Variants in WDR27 observed in about 807,000 individuals in gnomAD.
WDR27 encodes the protein WD repeat-containing protein 27.
Under a neutral mutation model 114.4 loss-of-function variants are expected in WDR27, and 100 were observed. The observed-to-expected ratio is 0.87, with a 90% confidence interval of 0.74 to 1.03. The LOEUF (loss-of-function observed/expected upper bound fraction) is 1.03, where lower values mean the gene tolerates loss of function less well. Among genes scored for constraint, WDR27 ranks in the 50% least tolerant of loss-of-function variants. WDR27 has a pLI of 0.00. For synonymous variants in WDR27, 449 were observed against 423.1 expected, an observed-to-expected ratio of 1.06 and a Z score of -0.75; for missense variants, 1,129 against 1,092.9, an observed-to-expected ratio of 1.03 and a Z score of -0.47.
chr6:169,524,109 T>A (rs2128069242), intron 25 of WDR27, among the ~76,000 whole-genome samples: 1 of 152,198 alleles, frequency 6.6e-6, no homozygotes, highest in Middle Eastern at 3.4e-3. Flanking sequence ...CAATCAACTT[T>A]AAAAAATCAG....
At chr6:169,693,581 T>G (rs1785051819) in intron 1 of WDR27, among the ~76,000 whole-genome samples, 1 of 152,166 alleles carries the variant, frequency 6.6e-6, no homozygotes, top group Non-Finnish European at 1.5e-5. Flanking sequence ...TCTGGTGTCT[T>G]CAAGAGACTC....
intron 25 of WDR27, among the ~76,000 whole-genome samples, chr6:169,570,964 A>G (rs950740192): frequency 6.6e-6 from 1 of 152,122 alleles, no homozygotes; most frequent in African/African-American, 2.4e-5. Context: ...GGCCAGGCCC[A>G]CTCCCTGCCC....
At chr6:169,514,730 C>T (rs1192471068) in intron 25 of WDR27, among the ~76,000 whole-genome samples, 2 of 142,502 alleles carry the variant, frequency 1.4e-5, no homozygotes, top group African/African-American at 2.7e-5. Context: ...TCATTCTAAT[C>T]GTTCTTACTA....
the WDR27 span, among the ~76,000 whole-genome samples, chr6:169,442,176 C>A: frequency 2.0e-5 from 3 of 152,322 alleles, no homozygotes; most frequent in East Asian, 3.9e-4. Context: ...TCTGTTTTCT[C>A]AGTGTTGTGT....
At chr6:169,568,099 G>T (rs924253132) in intron 25 of WDR27, among the ~76,000 whole-genome samples, 4 of 151,550 alleles carry the variant, frequency 2.6e-5, no homozygotes, top group African/African-American at 9.7e-5. Context: ...CCTCAGCAGG[G>T]CTTGGGGAGA....
intron 25 of WDR27, among the ~76,000 whole-genome samples, chr6:169,483,188 G>A (rs183396437): frequency 8.3e-4 from 127 of 152,226 alleles, no homozygotes; most frequent in African/African-American, 3.0e-3. Context: ...CAAAATCAGA[G>A]CTGAACTGAA....
chr6:169,508,742 T>C (rs1583860744), intron 25 of WDR27, among the ~76,000 whole-genome samples: 1 of 152,216 alleles, frequency 6.6e-6, no homozygotes, highest in Non-Finnish European at 1.5e-5. Context: ...CTTGTGGAAA[T>C]GTAAAGTGTT....
chr6:169,624,204 T>C (rs1814168689), intron 21 of WDR27, among the ~76,000 whole-genome samples: 1 of 145,982 alleles, frequency 6.9e-6, no homozygotes, highest in African/African-American at 2.6e-5. Context: ...GTGTGCGGCA[T>C]GTGGCAGGTG....
intron 25 of WDR27, among the ~76,000 whole-genome samples, chr6:169,487,533 C>T (rs1309388257): frequency 6.6e-6 from 1 of 152,132 alleles, no homozygotes; most frequent in African/African-American, 2.4e-5. Context: ...AAAGGGGTCG[C>T]AAACCTCATG....
intron 25 of WDR27, among the ~76,000 whole-genome samples, chr6:169,495,134 G>A (rs1333597256): frequency 1.3e-5 from 2 of 152,110 alleles, no homozygotes; most frequent in Admixed American, 6.5e-5. Flanking sequence ...ATAGATGGTA[G>A]ACAGATGGTA....
chr6:169,430,929 A>T, the WDR27 span, among the ~76,000 whole-genome samples: 2 of 152,298 alleles, frequency 1.3e-5, no homozygotes, highest in East Asian at 3.9e-4. Context: ...AATCAGAGTT[A>T]TCTTGTCCTG....
chr6:169,651,179 GGGGC>G lies in WDR27; in HGVS notation c.1481+747_1481+750del, dbSNP rs1381937009. ...ATTTCTGCCTGGAGCACAGCAGTGC[GGGGC>G]GGGGGGGGGGAGTGGGGGAGTGGGG... On this transcript the variant is annotated intron_variant, in intron 14 of 25. Coordinates refer to ENST00000448612, the MANE Select transcript of WDR27 (RefSeq NM_182552.5). Among the ~76,000 whole-genome samples, 8 of 99,366 alleles carry G rather than the reference GGGGC, an allele frequency of 8.1e-5. 2 individuals carry two copies. Among genetic ancestry groups the G allele is most frequent in the African/African-American group, 3.5e-4 (7 of 19,766 alleles). The allele number at this position is 99,366 out of a possible 152,430, so 65.2% of individuals were successfully genotyped here.
intron 21 of WDR27, among the ~76,000 whole-genome samples, chr6:169,626,211 T>C (rs1187304010): frequency 2.6e-5 from 4 of 151,930 alleles, no homozygotes; most frequent in African/African-American, 9.7e-5. Context: ...CTGCAGGCCA[T>C]AGGTGGGACA....
intron 9 of WDR27, among the ~76,000 whole-genome samples, chr6:169,661,446 G>T (rs1052988515): frequency 1.3e-5 from 2 of 152,162 alleles, no homozygotes; most frequent in Non-Finnish European, 2.9e-5. Flanking sequence ...CTTGGCAGAG[G>T]CCCCCAGCTG....
intron 21 of WDR27, among the ~76,000 whole-genome samples, chr6:169,621,383 TAC>T (rs1813152013): frequency 1.3e-5 from 2 of 149,380 alleles, no homozygotes; most frequent in South Asian, 2.1e-4. Context: ...CATGTAGACA[TAC>T]GCACACACAT....
At chr6:169,640,010 G>T (rs569201014) in intron 17 of WDR27, among the ~76,000 whole-genome samples, 1 of 152,260 alleles carries the variant, frequency 6.6e-6, no homozygotes, top group East Asian at 1.9e-4. Context: ...AGGAGAGGCC[G>T]CACCCAGCCC....
intron 16 of WDR27, among the ~76,000 whole-genome samples, chr6:169,645,023 T>TAAAAAAAAAAAAAAAAAAA (rs776362942): frequency 2.1e-5 from 1 of 46,982 alleles, no homozygotes; most frequent in Non-Finnish European, 3.9e-5. Context: ...AAAAAAAAAA[T>TAAAAAAAAAAAAAAAAAAA]AAAAAAAAAA....
intron 13 of WDR27, among the ~76,000 whole-genome samples, chr6:169,655,719 TTTTTTG>T (rs1243826995): frequency 1.3e-5 from 2 of 152,026 alleles, no homozygotes; most frequent in Non-Finnish European, 2.9e-5. Context: ...GGGCAGAGTT[TTTTTTG>T]TTTTTATTTT....
the WDR27 span, among the ~76,000 whole-genome samples, chr6:169,444,661 G>GT: frequency 2.6e-4 from 38 of 146,112 alleles, no homozygotes; most frequent in Non-Finnish European, 4.5e-4. Flanking sequence ...ATGGTGGACT[G>GT]TTTTTTTGTT....
Sources: gnomAD v4.1 joint callset for allele counts (sites outside exome capture counted in the v4.1 genomes callset) on GRCh38, gnomAD v4.1.1 for gene constraint, MANE v1.5 for transcripts, NCBI Gene and HGNC (gene_info 2026-07-23, HGNC 2026-07-21) for gene names.